OMA1: variants seen among roughly 807,000 people sequenced by gnomAD.
OMA1 encodes OMA1 zinc metallopeptidase, also known as metalloendopeptidase OMA1, mitochondrial.
A neutral mutation model predicts 30.9 loss-of-function variants in OMA1; 38 were observed. The ratio of observed to expected loss-of-function variants is 1.23; its 90% CI spans 0.95 to 1.61. The LOEUF is 1.61. Among genes scored for constraint, OMA1 ranks in the 40% most tolerant of loss-of-function variants. The pLI, the probability that OMA1 is intolerant of heterozygous loss-of-function variation, is 0.00. For missense variants in OMA1, 461 were observed against 349.2 expected, an observed-to-expected ratio of 1.32 and a Z score of -2.55; for synonymous variants, 173 against 121.9, an observed-to-expected ratio of 1.42 and a Z score of -2.76.
chr1:58,496,338 TTATC>T (rs1645801802), intron 8 of OMA1, among the ~76,000 whole-genome samples: 1 of 152,174 alleles, frequency 6.6e-6, no homozygotes, highest in Non-Finnish European at 1.5e-5. Context: ...TGAAATGGAT[TTATC>T]TTACATTTGT....
rs192515637 is a variant in OMA1, at chr1:58,499,082, C to G, written c.1365+6978G>C. ...CATGATAAAATCCTACCATTTGTAA[C>G]AGTATGGATAAATCTGGAGGACATT... is the stretch of plus-strand genomic sequence containing the variant. On this transcript the variant is annotated intron_variant, in intron 8 of 8. Coordinates refer to ENST00000371226, the MANE Select transcript of OMA1 (RefSeq NM_145243.5). Among the ~76,000 whole-genome samples the G allele has an allele frequency of 1.7e-3, 260 of 151,978 alleles. 1 individual carries two copies. The highest frequency in any genetic ancestry group is 6.0e-3 in the African/African-American group (248 of 41,458).
chr1:58,496,169 C>T (rs1645798441), intron 8 of OMA1, among the ~76,000 whole-genome samples: 1 of 144,928 alleles, frequency 6.9e-6, no homozygotes, highest in East Asian at 2.1e-4. Context: ...TTTTTTTAGA[C>T]TTTTTTTTTT....
intron 7 of OMA1, among the ~76,000 whole-genome samples, chr1:58,518,774 G>T (rs1233634127): frequency 6.6e-6 from 1 of 152,158 alleles, no homozygotes; most frequent in Non-Finnish European, 1.5e-5. Flanking sequence ...CTGGGTTTGA[G>T]ATAATGTATC....
intron 2 of OMA1, among the ~76,000 whole-genome samples, chr1:58,538,291 T>A (rs1433145667): frequency 6.6e-6 from 1 of 152,094 alleles, no homozygotes; most frequent in African/African-American, 2.4e-5. Flanking sequence ...GGGAACAGAA[T>A]AGAAAGAAAA....
At chr1:58,511,337 G>C (rs931297197) in intron 7 of OMA1, among the ~76,000 whole-genome samples, 4 of 152,140 alleles carry the variant, frequency 2.6e-5, no homozygotes, top group Non-Finnish European at 5.9e-5. Context: ...ACAGATCTTT[G>C]ATGAGGGTAC....
intron 8 of OMA1, among the ~76,000 whole-genome samples, chr1:58,495,726 T>A (rs1398429981): frequency 2.0e-5 from 3 of 152,278 alleles, no homozygotes; most frequent in South Asian, 4.1e-4. Context: ...TTAGTTTTTG[T>A]AGATATCATA....
intron 7 of OMA1, among the ~76,000 whole-genome samples, chr1:58,520,103 G>T (rs1255204121): frequency 6.6e-6 from 1 of 152,108 alleles, no homozygotes; most frequent in Non-Finnish European, 1.5e-5. Flanking sequence ...CAGAGGGAAG[G>T]GGGAAGGAGG....
intron 7 of OMA1, among the ~76,000 whole-genome samples, chr1:58,516,705 T>C (rs1178807893): frequency 1.3e-5 from 2 of 152,160 alleles, no homozygotes; most frequent in African/African-American, 2.4e-5. Context: ...ATTTTGCACG[T>C]TGAAACCTCA....
chr1:58,514,126 T>C (rs1646124336), intron 7 of OMA1, among the ~76,000 whole-genome samples: 1 of 152,152 alleles, frequency 6.6e-6, no homozygotes, highest in Admixed American at 6.5e-5. Flanking sequence ...CTATGGTAAT[T>C]GCAAAATGCT....
chr1:58,529,423 T>G (rs950216025), intron 6 of OMA1, among the ~76,000 whole-genome samples: 1 of 152,254 alleles, frequency 6.6e-6, no homozygotes, highest in Admixed American at 6.5e-5. Context: ...AGACCTACTT[T>G]CAGTATTACA....
intron 8 of OMA1, among the ~76,000 whole-genome samples, chr1:58,483,752 C>T (rs76530690): frequency 0.017 from 2,539 of 152,294 alleles, 55 homozygotes; most frequent in East Asian, 0.12. Context: ...GAGATGCTAG[C>T]AAGATTTGCA....
chr1:58,540,920 A>G (rs910242374), intron 1 of OMA1, among the ~76,000 whole-genome samples: 2 of 152,124 alleles, frequency 1.3e-5, no homozygotes, highest in African/African-American at 2.4e-5. Flanking sequence ...AAAGAAACAC[A>G]AAGGAAAAAA....
At chr1:58,490,829 A>G (rs759766407) in intron 8 of OMA1, among the ~76,000 whole-genome samples, 9 of 80,154 alleles carry the variant, frequency 1.1e-4, no homozygotes, top group East Asian at 5.0e-4. Flanking sequence ...TTTTTTTGAG[A>G]CGGACTCTCG....
intron 1 of OMA1, chr1:58,541,594 G>T: frequency 1.5e-5 from 1 of 64,716 alleles, no homozygotes; most frequent in African/African-American, 5.8e-5. Context: ...TCCGGCGTGG[G>T]CAACAGAATG....
intron 1 of OMA1, chr1:58,541,579 T>C (rs1646616002): frequency 9.2e-6 from 1 of 108,466 alleles, no homozygotes; most frequent in Non-Finnish European, 1.7e-5. Flanking sequence ...ATTGTGCCAC[T>C]ACACTCCGGC....
At chr1:58,516,255 A>T (rs1166415122) in intron 7 of OMA1, among the ~76,000 whole-genome samples, 1 of 152,226 alleles carries the variant, frequency 6.6e-6, no homozygotes, top group Non-Finnish European at 1.5e-5. Flanking sequence ...AAAGAATATC[A>T]GTTTTCTTTT....
chr1:58,498,116 A>C (rs1045252455), intron 8 of OMA1, among the ~76,000 whole-genome samples: 2 of 152,192 alleles, frequency 1.3e-5, no homozygotes, highest in African/African-American at 4.8e-5. Context: ...AGATGAAGCA[A>C]GTGTATAAAA....
chr1:58,508,847 C>T (rs938690826), intron 7 of OMA1, among the ~76,000 whole-genome samples: 6 of 151,946 alleles, frequency 3.9e-5, no homozygotes, highest in African/African-American at 1.5e-4. Flanking sequence ...GGGCAGGGCT[C>T]GGGAAAGAGG....
rs746117452 is a variant in OMA1, at chr1:58,536,539, G to A, written c.703C>T (p.Leu235Phe). Residue 235 changes from leucine (L) to phenylalanine (F), a missense_variant, in exon 3 of 9, where the codon CTT becomes TTT. Physicochemically the swap from Leu to Phe is conservative, Grantham distance 22. Coordinates refer to ENST00000371226, the MANE Select transcript of OMA1 (RefSeq NM_145243.5). Reference protein sequence around the residue: ...LLLLGKEQFRLLSELEYEAWM... With the variant: ...LLLLGKEQFRFLSELEYEAWM... The stretch of plus-strand genomic sequence containing the variant: ...GCTTCATATTCCAGTTCCGATAAAA[G>A]TCTGAACTGTTCTTTCCCCAATAAT... 1 of 872,638 alleles carries A rather than the reference G, an allele frequency of 1.1e-6. No individual in the cohort carries two copies. Among genetic ancestry groups the A allele is most frequent in the Non-Finnish European group, 2.0e-6 (1 of 501,514 alleles). 54.1% of individuals were successfully genotyped at this position (872,638 alleles called of 1,614,324 possible). A position where few individuals can be genotyped will look rare whatever the true frequency, so the allele number is the denominator to read the frequency against.
Sources: allele counts gnomAD v4.1 joint callset (sites outside exome capture counted in the v4.1 genomes callset), GRCh38; gene constraint gnomAD v4.1.1; transcripts MANE v1.5; gene names NCBI Gene and HGNC (gene_info 2026-07-23, HGNC 2026-07-21).